Variants in MARCHF1 observed in about 807,000 individuals in gnomAD.
MARCHF1 encodes the protein membrane associated ring-CH-type finger 1.
A neutral mutation model predicts 54.2 loss-of-function variants in MARCHF1; 40 were observed. The observed-to-expected ratio is 0.74, with a 90% CI of 0.57 to 0.96. MARCHF1 has a LOEUF of 0.96. Ranked by LOEUF, MARCHF1 falls within the 40% of genes least tolerant of loss-of-function variation. The pLI is 0.00. For synonymous variants in MARCHF1, 236 were observed against 236.3 expected, an observed-to-expected ratio of 1.00 and a Z score of 0.01; for missense variants, 586 against 656.5, an observed-to-expected ratio of 0.89 and a Z score of 1.17.
intron 4 of MARCHF1, among the ~76,000 whole-genome samples, chr4:163,829,311 C>T (rs1398525762): frequency 6.6e-6 from 1 of 152,156 alleles, no homozygotes; most frequent in Non-Finnish European, 1.5e-5. Context: ...AAGAACTTTT[C>T]CATGCCTATT....
intron 3 of MARCHF1, among the ~76,000 whole-genome samples, chr4:163,958,244 A>AGTGT (rs58660279): frequency 8.4e-4 from 125 of 148,540 alleles, no homozygotes; most frequent in Middle Eastern, 3.5e-3. Flanking sequence ...CAATCAAGTG[A>AGTGT]GTGTGTGTGT....
At chr4:163,754,935 C>T (rs555144552) in intron 4 of MARCHF1, among the ~76,000 whole-genome samples, 4 of 152,144 alleles carry the variant, frequency 2.6e-5, no homozygotes, top group Non-Finnish European at 5.9e-5. Flanking sequence ...AAAGATTCAA[C>T]GGATGAACTG....
chr4:164,117,194 G>A (rs1755956059), intron 1 of MARCHF1, among the ~76,000 whole-genome samples: 1 of 152,012 alleles, frequency 6.6e-6, no homozygotes, highest in South Asian at 2.1e-4. Context: ...GATGGCAGAG[G>A]TTGCGGTGAG....
chr4:163,892,488 A>G (rs1750681846), intron 3 of MARCHF1, among the ~76,000 whole-genome samples: 1 of 152,022 alleles, frequency 6.6e-6, no homozygotes, highest in Non-Finnish European at 1.5e-5. Context: ...ACAACCTTCT[A>G]GAGTTGTCAT....
chr4:163,610,616 C>T (rs563435633), intron 7 of MARCHF1, among the ~76,000 whole-genome samples: 11 of 152,178 alleles, frequency 7.2e-5, no homozygotes, highest in South Asian at 4.1e-4. Context: ...GGAAATTCTC[C>T]ATTCAGACTA....
At chr4:163,566,594 G>A (rs1739652868) in intron 8 of MARCHF1, among the ~76,000 whole-genome samples, 2 of 152,054 alleles carry the variant, frequency 1.3e-5, no homozygotes, top group Non-Finnish European at 2.9e-5. Flanking sequence ...CCTAATAGAT[G>A]GACCCACCAT....
At chr4:163,712,418 T>C (rs1003438030) in intron 4 of MARCHF1, among the ~76,000 whole-genome samples, 2 of 152,160 alleles carry the variant, frequency 1.3e-5, no homozygotes, top group Non-Finnish European at 2.9e-5. Flanking sequence ...TTAAAAATAC[T>C]AGATACTTTG....
At chr4:164,095,401 TAC>T (rs986308024) in intron 2 of MARCHF1, among the ~76,000 whole-genome samples, 1 of 146,826 alleles carries the variant, frequency 6.8e-6, no homozygotes, top group Non-Finnish European at 1.5e-5. Flanking sequence ...TTTGCTATAT[TAC>T]ACACACACAC....
chr4:164,257,254 T>A (rs1448281903), intron 1 of MARCHF1, among the ~76,000 whole-genome samples: 1 of 152,186 alleles, frequency 6.6e-6, no homozygotes, highest in African/African-American at 2.4e-5. Context: ...TATCTACACC[T>A]AGGTTCATCT....
chr4:163,580,085 A>ATTTATTTC (rs1740177573), intron 8 of MARCHF1, among the ~76,000 whole-genome samples: 1 of 150,964 alleles, frequency 6.6e-6, no homozygotes, highest in Non-Finnish European at 1.5e-5. Context: ...TTATTTATTT[A>ATTTATTTC]TTTATTTATT....
chr4:163,618,534 C>G (rs1741584834), intron 5 of MARCHF1, among the ~76,000 whole-genome samples: 1 of 152,142 alleles, frequency 6.6e-6, no homozygotes, highest in Non-Finnish European at 1.5e-5. Context: ...TTTTCTCTGT[C>G]TTACTTTTCA....
At chr4:163,844,618 A>C (rs1004414507) in intron 4 of MARCHF1, among the ~76,000 whole-genome samples, 1 of 152,204 alleles carries the variant, frequency 6.6e-6, no homozygotes, top group African/African-American at 2.4e-5. Context: ...TAGCCAGGTA[A>C]ATTAATGAAG....
intron 8 of MARCHF1, among the ~76,000 whole-genome samples, chr4:163,572,728 A>G (rs1407430707): frequency 6.6e-6 from 1 of 152,056 alleles, no homozygotes; most frequent in Non-Finnish European, 1.5e-5. Context: ...TCATGTTTCC[A>G]TGTGGAGGGA....
intron 1 of MARCHF1, among the ~76,000 whole-genome samples, chr4:164,239,927 A>T (rs962464578): frequency 6.6e-6 from 1 of 152,186 alleles, no homozygotes; most frequent in Non-Finnish European, 1.5e-5. Context: ...ATGTTCTTCT[A>T]TTTCTTGCAT....
chr4:164,141,880 C>T (rs184018111), intron 1 of MARCHF1, among the ~76,000 whole-genome samples: 9 of 152,228 alleles, frequency 5.9e-5, no homozygotes, highest in African/African-American at 2.2e-4. Flanking sequence ...CGCAGAAGAC[C>T]GGTGATTTCT....
intron 8 of MARCHF1, among the ~76,000 whole-genome samples, chr4:163,573,131 T>A (rs1203447978): frequency 1.3e-5 from 2 of 152,066 alleles, no homozygotes; most frequent in African/African-American, 2.4e-5. Flanking sequence ...TTAGAAATGT[T>A]ACTTATTTTG....
At chr4:163,635,610 C>G (rs1742287593) in intron 5 of MARCHF1, among the ~76,000 whole-genome samples, 1 of 149,132 alleles carries the variant, frequency 6.7e-6, no homozygotes, top group Non-Finnish European at 1.5e-5. Flanking sequence ...CAATAGCTTA[C>G]CAACCAAAAA....
intron 4 of MARCHF1, among the ~76,000 whole-genome samples, chr4:163,731,939 C>T (rs1022315958): frequency 6.6e-6 from 1 of 152,182 alleles, no homozygotes; most frequent in South Asian, 2.1e-4. Context: ...TTTCAACCAA[C>T]AACAAGATCC....
At chr4:164,224,334 G>A (rs2111160839) in intron 1 of MARCHF1, among the ~76,000 whole-genome samples, 1 of 151,760 alleles carries the variant, frequency 6.6e-6, no homozygotes, top group East Asian at 1.9e-4. Context: ...TTCCAATGTG[G>A]CCAAGGGAAG....
Sources: gnomAD v4.1 joint callset for allele counts (sites outside exome capture counted in the v4.1 genomes callset) on GRCh38, gnomAD v4.1.1 for gene constraint, MANE v1.5 for transcripts, NCBI Gene and HGNC (gene_info 2026-07-23, HGNC 2026-07-21) for gene names.